Variants in WDPCP observed in about 807,000 individuals in gnomAD.
The protein encoded by WDPCP is WD repeat-containing and planar cell polarity effector protein fritz homolog.
Under a neutral mutation model 93.1 loss-of-function variants are expected in WDPCP, and 71 were observed. That is an observed-to-expected ratio of 0.76 (90% CI 0.63 to 0.93). The LOEUF (loss-of-function observed/expected upper bound fraction) is 0.93, where lower values mean the gene tolerates loss of function less well. WDPCP is among the 40% of genes least tolerant of loss of function. The probability of loss-of-function intolerance (pLI) is 0.00; values close to 1 mark genes in which losing one functional copy is unlikely to be tolerated. For synonymous variants in WDPCP, 315 were observed against 315.0 expected, an observed-to-expected ratio of 1.00 and a Z score of 0.00; for missense variants, 844 against 887.4, an observed-to-expected ratio of 0.95 and a Z score of 0.62.
At chr2:63,667,339 T>C (rs1710296188) in intron 2 of WDPCP, among the ~76,000 whole-genome samples, 1 of 152,172 alleles carries the variant, frequency 6.6e-6, no homozygotes, top group African/African-American at 2.4e-5. Context: ...GCAGAGATCC[T>C]GGGGATAGGT....
At chr2:63,122,896 A>C (rs1669643180) in intron 17 of WDPCP, among the ~76,000 whole-genome samples, 1 of 152,144 alleles carries the variant, frequency 6.6e-6, no homozygotes. Flanking sequence ...TATATCTTAA[A>C]AGTTATTTTT....
intron 1 of WDPCP, among the ~76,000 whole-genome samples, chr2:63,513,745 G>A (rs1325807364): frequency 1.3e-5 from 2 of 152,132 alleles, no homozygotes; most frequent in Non-Finnish European, 2.9e-5. Context: ...AAGCCTTGCT[G>A]GGTTTCCCCT....
chr2:63,583,193 A>G (rs924627556), intron 1 of WDPCP, among the ~76,000 whole-genome samples: 1 of 152,194 alleles, frequency 6.6e-6, no homozygotes, highest in Non-Finnish European at 1.5e-5. Context: ...AAAATACACT[A>G]TGATAAAGGA....
At chr2:63,197,390 A>G (rs1313320645) in intron 14 of WDPCP, among the ~76,000 whole-genome samples, 2 of 152,214 alleles carry the variant, frequency 1.3e-5, no homozygotes, top group African/African-American at 4.8e-5. Context: ...GGCTACTAGT[A>G]GTTAAGCTTT....
At position 63,458,377 on chromosome 2, in the gene WDPCP, T is replaced by C. The variant is rs531403113; in HGVS notation, c.385-18506A>G. On this transcript the variant is annotated intron_variant, in intron 6 of 17. Coordinates refer to ENST00000272321, the MANE Select transcript of WDPCP (RefSeq NM_015910.7). ...CTGATAAGCAAATTCAGTTGCAGGA[T>C]ACAAAAATCAACATATAAAAATCAG... 6.6e-5 allele frequency among the ~76,000 whole-genome samples: 10 copies of C among 152,070 alleles called. No individual in the cohort carries two copies. The South Asian group carries it at 1.5e-3, about 22-fold the overall frequency.
At chr2:63,293,236 C>T (rs1016712787) in intron 13 of WDPCP, among the ~76,000 whole-genome samples, 3 of 152,146 alleles carry the variant, frequency 2.0e-5, no homozygotes, top group African/African-American at 7.2e-5. Context: ...AATGCAACTG[C>T]ATATATGGGG....
intron 14 of WDPCP, chr2:63,232,341 A>G (rs1678982825): frequency 1.3e-5 from 2 of 152,208 alleles, no homozygotes; most frequent in African/African-American, 4.8e-5. Context: ...ATATTCCAGC[A>G]TACAGAGTTT....
intron 14 of WDPCP, among the ~76,000 whole-genome samples, chr2:63,194,420 T>TTGATG (rs1675269240): frequency 6.6e-6 from 1 of 152,212 alleles, no homozygotes; most frequent in African/African-American, 2.4e-5. Flanking sequence ...CTTCAAAGTG[T>TTGATG]TGATGTGATC....
At chr2:63,282,223 G>A (rs1455291520) in intron 13 of WDPCP, among the ~76,000 whole-genome samples, 1 of 152,020 alleles carries the variant, frequency 6.6e-6, no homozygotes, top group East Asian at 1.9e-4. Context: ...AAACAGACAT[G>A]GGCTCGGGCG....
chr2:63,683,566 C>A (rs977757441), intron 2 of WDPCP, among the ~76,000 whole-genome samples: 1 of 151,952 alleles, frequency 6.6e-6, no homozygotes, highest in African/African-American at 2.4e-5. Context: ...TAAAAAGAGA[C>A]AAAGGGCTGG....
intron 1 of WDPCP, among the ~76,000 whole-genome samples, chr2:63,537,324 T>C (rs933582831): frequency 6.6e-6 from 1 of 152,214 alleles, no homozygotes; most frequent in African/African-American, 2.4e-5. Flanking sequence ...GCCTCTCAAG[T>C]AATAACTCAG....
chr2:63,328,736 T>C (rs1301881196), intron 12 of WDPCP, among the ~76,000 whole-genome samples: 1 of 152,224 alleles, frequency 6.6e-6, no homozygotes, highest in Non-Finnish European at 1.5e-5. Flanking sequence ...TTCTAATTTT[T>C]ACTTTTTCTT....
chr2:63,675,036 G>A (rs1168422969), intron 2 of WDPCP, among the ~76,000 whole-genome samples: 3 of 152,128 alleles, frequency 2.0e-5, no homozygotes, highest in Non-Finnish European at 2.9e-5. Flanking sequence ...AGTATAACTG[G>A]TTCTCACCTG....
chr2:63,741,113 G>C (rs1252532733), intron 2 of WDPCP, among the ~76,000 whole-genome samples: 1 of 152,242 alleles, frequency 6.6e-6, no homozygotes, highest in East Asian at 1.9e-4. Flanking sequence ...TGCCTTTAGG[G>C]AAGGAAGCTG....
chr2:63,801,498 G>C (rs569994111), intron 2 of WDPCP, among the ~76,000 whole-genome samples: 1 of 152,176 alleles, frequency 6.6e-6, no homozygotes, highest in East Asian at 1.9e-4. Context: ...TGGACCCAGC[G>C]GGTTCCTGCT....
At chr2:63,152,639 A>G (rs1188923887) in intron 17 of WDPCP, among the ~76,000 whole-genome samples, 1 of 152,224 alleles carries the variant, frequency 6.6e-6, no homozygotes, top group East Asian at 1.9e-4. Flanking sequence ...TTTTGAGTCA[A>G]CTTGAAGATG....
Position 63,362,271 on chromosome 2 carries a change from T to G in WDPCP, c.1748+16115A>C, listed in dbSNP as rs1319421352. On this transcript the variant is annotated intron_variant, in intron 12 of 17. Coordinates refer to ENST00000272321, the MANE Select transcript of WDPCP (RefSeq NM_015910.7). ...TCGGTAGAATCCCTTTTTTTTTTTT[T>G]TTTGGTTGTGTGTGTGTGTGTGTGT... Among the ~76,000 whole-genome samples, 3 of 18,550 alleles carry G rather than the reference T, an allele frequency of 1.6e-4. No homozygotes were observed. In the African/African-American group the frequency reaches 1.7e-3, roughly 10 times the overall value. 12.2% of individuals were successfully genotyped at this position (18,550 alleles called of 152,430 possible). A position where few individuals can be genotyped will look rare whatever the true frequency, so the allele number is the denominator to read the frequency against.
At chr2:63,148,406 C>A (rs975068724) in intron 17 of WDPCP, among the ~76,000 whole-genome samples, 3 of 152,194 alleles carry the variant, frequency 2.0e-5, no homozygotes, top group Non-Finnish European at 4.4e-5. Context: ...GTGGCATGAC[C>A]TTTCCTCACT....
chr2:63,369,212 C>A, intron 12 of WDPCP: 1 of 324,534 alleles, frequency 3.1e-6, no homozygotes, highest in Non-Finnish European at 6.1e-6. Flanking sequence ...ATACTAATTT[C>A]TGCTGGTACT....
Sources: allele counts gnomAD v4.1 joint callset (sites outside exome capture counted in the v4.1 genomes callset), GRCh38; gene constraint gnomAD v4.1.1; transcripts MANE v1.5; gene names NCBI Gene and HGNC (gene_info 2026-07-23, HGNC 2026-07-21).